FYB2: variants seen among roughly 807,000 people sequenced by gnomAD.
FYB2 encodes the protein FYN binding protein 2.
FYB2 carries 103 observed loss-of-function variants against 94.1 expected under a neutral mutation model. The observed-to-expected ratio is 1.09, with a 90% confidence interval of 0.93 to 1.29. FYB2 has a LOEUF of 1.29. Among genes scored for constraint, FYB2 ranks in the 50% most tolerant of loss-of-function variants. The probability of loss-of-function intolerance (pLI) is 0.00; values close to 1 mark genes in which losing one functional copy is unlikely to be tolerated. For synonymous variants in FYB2, 293 were observed against 287.9 expected, an observed-to-expected ratio of 1.02 and a Z score of -0.18; for missense variants, 896 against 841.5, an observed-to-expected ratio of 1.06 and a Z score of -0.80.
chr1:56,737,406 C>T (rs1471310693), intron 14 of FYB2: 2 of 291,662 alleles, frequency 6.9e-6, no homozygotes, highest in African/African-American at 4.4e-5. Flanking sequence ...TATTAATTTG[C>T]TTTTACATAG....
chr1:56,825,255 G>T, the FYB2 span: 2 of 152,220 alleles, frequency 1.3e-5, no homozygotes, highest in African/African-American at 4.8e-5. Context: ...CAGAATAGCA[G>T]CTCAGAGAAA....
intron 2 of FYB2, among the ~76,000 whole-genome samples, chr1:56,790,416 G>T (rs1646233305): frequency 6.6e-6 from 1 of 152,158 alleles, no homozygotes; most frequent in African/African-American, 2.4e-5. Context: ...CACTAATTGG[G>T]CTCAGAGTTT....
In FYB2 at chr1:56,737,091, ACT is replaced by A. The variant is rs780785376; in HGVS notation, c.1787_1788del (p.Glu596ValfsTer4). On this transcript the variant is annotated frameshift_variant, in exon 15 of 20. Coordinates refer to ENST00000343433, the MANE Select transcript of FYB2 (RefSeq NM_001004303.5). LOFTEE classifies it high-confidence loss of function. ...IYDDVDLSEK[E>X]SKDEDKLKMW... ...CCAATAAGGTAAATTACTTACTTTG[ACT>A]CTTTTTCACTCAGGTCTACATCATC... is the stretch of plus-strand genomic sequence containing the variant. 6.2e-7 allele frequency: 1 copy of A among 1,600,488 alleles called. No homozygotes were observed. Among genetic ancestry groups the A allele is most frequent in the East Asian group, 2.3e-5 (1 of 44,424 alleles).
intron 4 of FYB2, among the ~76,000 whole-genome samples, chr1:56,770,030 A>G (rs962436108): frequency 6.6e-6 from 1 of 152,230 alleles, no homozygotes; most frequent in Admixed American, 6.5e-5. Context: ...TGACTGATGA[A>G]GAAAATGAGA....
In FYB2 at chr1:56,789,044, G is replaced by A; in HGVS notation, c.848C>T (p.Ser283Leu). The change falls in exon 3 of 20, where the codon TCA becomes TTA. Residue 283 changes from serine to leucine, a missense_variant. Transcript: ENST00000343433. Reference sequence around the variant, plus strand: ...CTGGAGGTTCACGATGGGAGGTCTTGAAGGCTTTGGGGGAGGAGGACCCAG... The same window carrying A: ...CTGGAGGTTCACGATGGGAGGTCTTAAAGGCTTTGGGGGAGGAGGACCCAG... ...DSLGPPPPKP[S>L]RPPIVNLQAF... is the part of the protein sequence containing the mutation. The A allele has an allele frequency of 6.2e-7, 1 of 1,614,110 alleles. No homozygotes were observed. Among genetic ancestry groups the A allele is most frequent in the Non-Finnish European group, 8.5e-7 (1 of 1,179,964 alleles).
upstream of FYB2, among the ~76,000 whole-genome samples, chr1:56,821,655 C>T (rs1646993316): frequency 1.3e-5 from 2 of 152,232 alleles, no homozygotes; most frequent in East Asian, 3.8e-4. Flanking sequence ...TTTCTTTCCC[C>T]TCTCCTCCTC....
intron 4 of FYB2, among the ~76,000 whole-genome samples, chr1:56,772,970 A>T (rs967243642): frequency 6.6e-6 from 1 of 152,170 alleles, no homozygotes; most frequent in Non-Finnish European, 1.5e-5. Flanking sequence ...TCCTTACAGA[A>T]AACCTCCAGT....
rs1423619514 is a variant in FYB2 at position 56,763,167 on chromosome 1, A to C, written c.1064-4417T>G. Among the ~76,000 whole-genome samples, 13 of 152,166 alleles carry C rather than the reference A, an allele frequency of 8.5e-5. No individual in the cohort carries two copies. In the East Asian group the frequency reaches 2.5e-3, roughly 29 times the overall value. ...ATGTTGCTGAATTCTATTTGCTAAT[A>C]TTTTGTTGAGGAGTTTTATGACTAT... On this transcript the variant is annotated intron_variant, in intron 5 of 19. Coordinates refer to ENST00000343433, the MANE Select transcript of FYB2 (RefSeq NM_001004303.5).
chr1:56,795,080 C>G (rs746347517), intron 1 of FYB2, among the ~76,000 whole-genome samples: 22 of 151,348 alleles, frequency 1.5e-4, no homozygotes, highest in Non-Finnish European at 2.8e-4. Flanking sequence ...TGTAGGTTCA[C>G]ATTGTTGTGT....
chr1:56,757,962 A>G (rs1305311501), intron 6 of FYB2, among the ~76,000 whole-genome samples: 3 of 135,408 alleles, frequency 2.2e-5, no homozygotes, highest in African/African-American at 8.3e-5. Flanking sequence ...TTTTTTTTGT[A>G]GGGACAGTAT....
chr1:56,801,943 G>A (rs1468072511), intron 1 of FYB2, among the ~76,000 whole-genome samples: 1 of 152,136 alleles, frequency 6.6e-6, no homozygotes, highest in African/African-American at 2.4e-5. Context: ...TTAAACCCAG[G>A]GTAGCTCCTA....
intron 4 of FYB2, among the ~76,000 whole-genome samples, chr1:56,777,602 A>G (rs1645911345): frequency 6.6e-6 from 1 of 152,152 alleles, no homozygotes. Flanking sequence ...GTCTAAGTCC[A>G]TTCTATTCTT....
chr1:56,718,922 C>CTAT lies in FYB2; in HGVS notation c.*746_*748dup, dbSNP rs759161977. 5.2e-5 allele frequency: 8 copies of CTAT among 152,408 alleles called. No homozygotes were observed. The highest frequency in any genetic ancestry group is 1.9e-4 in the African/African-American group (8 of 41,382). The allele number at this position is 152,408 out of a possible 1,614,324, so 9.4% of individuals were successfully genotyped here. A position where few individuals can be genotyped will look rare whatever the true frequency, so the allele number is the denominator to read the frequency against. ...ATATAAATGAAAGTACATATGAATG[C>CTAT]TATTATTTGAATAGTTATTTGGGCA... On this transcript the variant is annotated 3_prime_UTR_variant, in exon 20 of 20. Coordinates refer to ENST00000343433, the MANE Select transcript of FYB2 (RefSeq NM_001004303.5).
At chr1:56,819,171 C>G in intron 1 of FYB2, 111 bp downstream of exon 1, 1 of 1,384,884 alleles carries the variant, frequency 7.2e-7, no homozygotes, top group Non-Finnish European at 1.0e-6. Context: ...TTATTCCTGC[C>G]CAGGAGGCAG....
At chr1:56,805,237 T>C (rs1468109086) in intron 1 of FYB2, among the ~76,000 whole-genome samples, 2 of 152,216 alleles carry the variant, frequency 1.3e-5, no homozygotes, top group African/African-American at 4.8e-5. Flanking sequence ...TTCTTTTCAC[T>C]TGTGCTTCTG....
intron 3 of FYB2, among the ~76,000 whole-genome samples, chr1:56,787,846 G>A (rs948375138): frequency 3.9e-5 from 6 of 152,190 alleles, no homozygotes; most frequent in East Asian, 1.9e-4. Flanking sequence ...CATTCAGAGA[G>A]AATATTTGAG....
chr1:56,740,143 T>C (rs1355436132), intron 13 of FYB2, among the ~76,000 whole-genome samples: 2 of 152,008 alleles, frequency 1.3e-5, no homozygotes, highest in Non-Finnish European at 2.9e-5. Context: ...CTCTTTCTAG[T>C]GCTAGTGAAT....
intron 9 of FYB2, among the ~76,000 whole-genome samples, chr1:56,748,747 G>C (rs1234145963): frequency 6.6e-6 from 1 of 151,682 alleles, no homozygotes; most frequent in Non-Finnish European, 1.5e-5. Context: ...ATAATATTTT[G>C]CTCCTTCCTC....
At chr1:56,795,881 C>T (rs1047368599) in intron 1 of FYB2, among the ~76,000 whole-genome samples, 13 of 152,240 alleles carry the variant, frequency 8.5e-5, no homozygotes, top group African/African-American at 2.6e-4. Flanking sequence ...ACTAGTTCAG[C>T]GGGGAGCAAA....
Sources: gnomAD v4.1 joint callset for allele counts (sites outside exome capture counted in the v4.1 genomes callset) on GRCh38, gnomAD v4.1.1 for gene constraint, MANE v1.5 for transcripts, NCBI Gene and HGNC (gene_info 2026-07-23, HGNC 2026-07-21) for gene names.